The following ITIH5 variants were observed in gnomAD, a reference collection of about 807,000 sequenced individuals.
ITIH5 encodes inter-alpha-trypsin inhibitor heavy chain H5.
In ITIH5, 65 loss-of-function variants were observed where a neutral mutation model predicts 77.5. That is an observed-to-expected ratio of 0.84 (90% CI 0.69 to 1.03). ITIH5 has a LOEUF of 1.03. Among genes scored for constraint, ITIH5 ranks in the 50% least tolerant of loss-of-function variants. The pLI, the probability that ITIH5 is intolerant of heterozygous loss-of-function variation, is 0.00. For missense variants in ITIH5, 1,208 were observed against 1,213.1 expected, an observed-to-expected ratio of 1.00 and a Z score of 0.06; for synonymous variants, 525 against 494.3, an observed-to-expected ratio of 1.06 and a Z score of -0.82.
At chr10:7,612,051 A>G (rs1833257099) in intron 7 of ITIH5, among the ~76,000 whole-genome samples, 1 of 152,106 alleles carries the variant, frequency 6.6e-6, no homozygotes, top group African/African-American at 2.4e-5. Flanking sequence ...ATGTTTTTGG[A>G]ATGTGTACCA....
intron 2 of ITIH5, among the ~76,000 whole-genome samples, chr10:7,644,293 T>C (rs911060310): frequency 4.7e-5 from 7 of 149,152 alleles, no homozygotes; most frequent in Non-Finnish European, 1.0e-4. Flanking sequence ...ATATATCATA[T>C]ATATCATACA....
chr10:7,650,227 C>T (rs1351163778), intron 2 of ITIH5, among the ~76,000 whole-genome samples: 1 of 152,214 alleles, frequency 6.6e-6, no homozygotes, highest in African/African-American at 2.4e-5. Flanking sequence ...GCACTCAGGC[C>T]ACAGTGCCTC....
chr10:7,623,802 CAA>C (rs55790282), intron 5 of ITIH5, among the ~76,000 whole-genome samples: 15 of 80,334 alleles, frequency 1.9e-4, no homozygotes, highest in African/African-American at 2.5e-4. Flanking sequence ...GACTCCATCT[CAA>C]AAAAAAAAAA....
intron 5 of ITIH5, among the ~76,000 whole-genome samples, chr10:7,624,136 C>A (rs1833518487): frequency 6.6e-6 from 1 of 152,106 alleles, no homozygotes; most frequent in Non-Finnish European, 1.5e-5. Flanking sequence ...AAAAAATTTC[C>A]CAAGAGAGAC....
chr10:7,630,206 T>C (rs1194932650), intron 5 of ITIH5, among the ~76,000 whole-genome samples: 2 of 152,236 alleles, frequency 1.3e-5, no homozygotes, highest in East Asian at 3.8e-4. Flanking sequence ...TAAGATTTAC[T>C]CATTTTAAGT....
intron 5 of ITIH5, among the ~76,000 whole-genome samples, chr10:7,636,806 CACTTTGGGAGGCCGAGGCGGGTG>C (rs1564273257): frequency 6.6e-6 from 1 of 152,058 alleles, no homozygotes; most frequent in Non-Finnish European, 1.5e-5. Flanking sequence ...GTAATCCCAG[CACTTTGGGAGGCCGAGGCGGGTG>C]GATCACGAGG....
chr10:7,593,116 G>A (rs1192442502), intron 7 of ITIH5, among the ~76,000 whole-genome samples: 6 of 152,056 alleles, frequency 3.9e-5, no homozygotes, highest in Non-Finnish European at 8.8e-5. Flanking sequence ...CCCACAGGAC[G>A]GATATTCTGC....
intron 2 of ITIH5, among the ~76,000 whole-genome samples, chr10:7,649,117 A>G (rs1489463986): frequency 6.6e-6 from 1 of 151,994 alleles, no homozygotes; most frequent in Non-Finnish European, 1.5e-5. Context: ...GGGATTGTAA[A>G]CACGAAGAAC....
intron 12 of ITIH5, among the ~76,000 whole-genome samples, chr10:7,567,684 G>A (rs1480342892): frequency 6.6e-6 from 1 of 151,964 alleles, no homozygotes; most frequent in Non-Finnish European, 1.5e-5. Context: ...TTTTTGTTTT[G>A]TTTTTGTCCA....
intron 7 of ITIH5, among the ~76,000 whole-genome samples, chr10:7,605,536 C>T (rs950023325): frequency 1.4e-5 from 1 of 71,836 alleles, no homozygotes; most frequent in African/African-American, 3.8e-5. Flanking sequence ...ACCTAGCACC[C>T]CACCCCCAAC....
At chr10:7,625,700 G>A (rs1028406834) in intron 5 of ITIH5, among the ~76,000 whole-genome samples, 3 of 151,616 alleles carry the variant, frequency 2.0e-5, no homozygotes, top group African/African-American at 7.3e-5. Context: ...AGGAGGCAGA[G>A]ATTGCCATGA....
At position 7,566,006 on chromosome 10, in the gene ITIH5, C is replaced by T. The variant is rs752127515; in HGVS notation, c.2527+24G>A. The T allele has an allele frequency of 2.6e-5, 42 of 1,603,462 alleles. No homozygotes were observed. The Admixed American group carries it at 3.0e-4, about 12-fold the overall frequency. On this transcript the variant is annotated intron_variant, in intron 13 of 13. Transcript: ENST00000397146. ...ATGTAACTCTGCCCTCTATGCCCAGCGTGAGGAGAGCGCAGCTTCCTACCC... is the reference window on the plus strand; with the variant it reads ...ATGTAACTCTGCCCTCTATGCCCAGTGTGAGGAGAGCGCAGCTTCCTACCC...
At chr10:7,607,497 G>T (rs891377391) in intron 7 of ITIH5, among the ~76,000 whole-genome samples, 4 of 152,210 alleles carry the variant, frequency 2.6e-5, no homozygotes, top group Admixed American at 1.3e-4. Flanking sequence ...AGAAAGAGGA[G>T]GGGAGAGGGG....
At chr10:7,632,657 G>A (rs1833731678) in intron 5 of ITIH5, among the ~76,000 whole-genome samples, 2 of 152,034 alleles carry the variant, frequency 1.3e-5, no homozygotes, top group Non-Finnish European at 2.9e-5. Flanking sequence ...GTACAGCTCC[G>A]TAGCCCCACC....
chr10:7,585,970 A>C lies in ITIH5; in HGVS notation c.1039T>G (p.Leu347Val). The C allele has an allele frequency of 6.2e-7, 1 of 1,614,162 alleles. No homozygotes were observed. The highest frequency in any genetic ancestry group is 8.5e-7 in the Non-Finnish European group (1 of 1,180,024). ...ATGCTGTCTGGAGTGACTGATATCA[A>C]GTGGTCCTTCCATACTTTGATCCGG... ...SNRIKVWKDHLISVTPDSIRD... is the reference protein window; with the variant it reads ...SNRIKVWKDHVISVTPDSIRD... Residue 347 changes from leucine to valine, a missense_variant, in exon 8 of 14, where the codon TTG (leucine) becomes GTG (valine). Transcript: ENST00000397146.
chr10:7,565,814 G>T (rs1469768342), intron 13 of ITIH5, among the ~76,000 whole-genome samples: 1 of 148,832 alleles, frequency 6.7e-6, no homozygotes, highest in Non-Finnish European at 1.5e-5. Context: ...ACATATATAT[G>T]TATAGTATAT....
chr10:7,639,768 G>T (rs532189389), intron 4 of ITIH5, among the ~76,000 whole-genome samples: 10 of 152,160 alleles, frequency 6.6e-5, no homozygotes, highest in African/African-American at 2.2e-4. Context: ...GCTATGTATT[G>T]GTTTCAATGT....
intron 3 of ITIH5, among the ~76,000 whole-genome samples, chr10:7,641,429 C>T (rs954835509): frequency 6.6e-6 from 1 of 151,758 alleles, no homozygotes; most frequent in African/African-American, 2.4e-5. Context: ...GACTGGTTCT[C>T]CCTACTGGAA....
At chr10:7,631,961 A>ATTTTTTT (rs34105815) in intron 5 of ITIH5, among the ~76,000 whole-genome samples, 8 of 139,446 alleles carry the variant, frequency 5.7e-5, no homozygotes, top group African/African-American at 1.8e-4. Context: ...TAATTTTTGT[A>ATTTTTTT]TTTTTTTTTT....
Sources: gnomAD v4.1 joint callset for allele counts (sites outside exome capture counted in the v4.1 genomes callset) on GRCh38, gnomAD v4.1.1 for gene constraint, MANE v1.5 for transcripts, NCBI Gene and HGNC (gene_info 2026-07-23, HGNC 2026-07-21) for gene names.